ZNF487: variants seen among roughly 807,000 people sequenced by gnomAD.
ZNF487 encodes the protein zinc finger protein 487.
A neutral mutation model predicts 3.0 loss-of-function variants in ZNF487; 4 were observed. The observed-to-expected ratio is 1.35, with a 90% CI of 0.66 to 3.08. The LOEUF (loss-of-function observed/expected upper bound fraction) is 3.08, where lower values mean the gene tolerates loss of function less well. Among genes scored for constraint, ZNF487 ranks in the 30% most tolerant of loss-of-function variants. ZNF487 has a pLI of 0.01. For missense variants in ZNF487, 146 were observed against 98.7 expected, an observed-to-expected ratio of 1.48 and a Z score of -2.03; for synonymous variants, 55 against 34.6, an observed-to-expected ratio of 1.59 and a Z score of -2.06.
At chr10:43,500,482 C>A in the ZNF487 span, among the ~76,000 whole-genome samples, 1 of 152,108 alleles carries the variant, frequency 6.6e-6, no homozygotes, top group African/African-American at 2.4e-5. Context: ...AGAATTTAAA[C>A]CATTTGCAAT....
At chr10:43,461,342 G>A (rs1425745659) in intron 1 of ZNF487, among the ~76,000 whole-genome samples, 1 of 148,876 alleles carries the variant, frequency 6.7e-6, no homozygotes, top group Non-Finnish European at 1.5e-5. Flanking sequence ...TTTGAGACAA[G>A]GTCTTGCTCT....
At chr10:43,437,598 G>A (rs527255209) in intron 1 of ZNF487, among the ~76,000 whole-genome samples, 2 of 152,264 alleles carry the variant, frequency 1.3e-5, no homozygotes, top group East Asian at 3.9e-4. Context: ...TGATTGTTGA[G>A]TTGTGGTGAG....
At chr10:43,467,765 C>T (rs554662622) in intron 1 of ZNF487, among the ~76,000 whole-genome samples, 13 of 149,798 alleles carry the variant, frequency 8.7e-5, no homozygotes, top group East Asian at 6.0e-4. Context: ...TGCAGTGAGC[C>T]GAGATTGTGC....
chr10:43,470,518 G>A (rs945136044), intron 1 of ZNF487, among the ~76,000 whole-genome samples: 1 of 152,030 alleles, frequency 6.6e-6, no homozygotes, highest in Non-Finnish European at 1.5e-5. Context: ...CAAGTACCTG[G>A]GATTACAGGC....
At chr10:43,499,768 GAA>G in the ZNF487 span, among the ~76,000 whole-genome samples, 1 of 149,618 alleles carries the variant, frequency 6.7e-6, no homozygotes, top group African/African-American at 2.4e-5. Flanking sequence ...AAAAGAAAAA[GAA>G]AAAAATTGTC....
At chr10:43,518,473 A>G in the ZNF487 span, among the ~76,000 whole-genome samples, 1 of 152,060 alleles carries the variant, frequency 6.6e-6, no homozygotes, top group African/African-American at 2.4e-5. Flanking sequence ...AAAGGGGGAC[A>G]CCTCTAAAGT....
chr10:43,467,268 A>C (rs1444754687), intron 1 of ZNF487, among the ~76,000 whole-genome samples: 1 of 150,974 alleles, frequency 6.6e-6, no homozygotes, highest in Admixed American at 6.6e-5. Context: ...GCAGTGGCAC[A>C]ATCTTGGCTC....
Position 43,482,165 on chromosome 10 carries a change from T to G in ZNF487, c.*243T>G, listed in dbSNP as rs543640206. The G allele has an allele frequency of 3.7e-6, 2 of 543,786 alleles. No individual in the cohort carries two copies. The highest frequency in any genetic ancestry group is 6.5e-5 in the Admixed American group (2 of 30,784). 33.7% of individuals were successfully genotyped at this position (543,786 alleles called of 1,614,324 possible). ...AGTTACAGAGGAGAGAAAACTTGAC[T>G]GTAGTAGACATTTGGAAGTATTCTG... On this transcript the variant is annotated 3_prime_UTR_variant, in exon 4 of 4. Transcript: ENST00000437590.
chr10:43,457,284 G>A (rs1228553891), intron 1 of ZNF487, among the ~76,000 whole-genome samples: 6 of 151,718 alleles, frequency 4.0e-5, no homozygotes, highest in Admixed American at 6.6e-5. Context: ...AAACCCTAGC[G>A]CGGTGGCTAA....
the ZNF487 span, among the ~76,000 whole-genome samples, chr10:43,498,162 C>T: frequency 3.5e-5 from 3 of 86,152 alleles, no homozygotes; most frequent in Non-Finnish European, 4.1e-5. Flanking sequence ...GAGTCTCACT[C>T]TGTTGCCCAG....
intron 1 of ZNF487, among the ~76,000 whole-genome samples, chr10:43,472,682 T>C (rs187430440): frequency 3.9e-5 from 6 of 152,292 alleles, no homozygotes; most frequent in Non-Finnish European, 1.5e-5. Context: ...CTTCACTTCC[T>C]TCTCAGCCTC....
chr10:43,438,764 A>C (rs1839473268), intron 1 of ZNF487, among the ~76,000 whole-genome samples: 1 of 152,180 alleles, frequency 6.6e-6, no homozygotes, highest in Non-Finnish European at 1.5e-5. Flanking sequence ...TGTCATATAC[A>C]ATAGAATATC....
intron 1 of ZNF487, among the ~76,000 whole-genome samples, chr10:43,447,543 G>C (rs578112123): frequency 1.7e-4 from 26 of 152,128 alleles, no homozygotes; most frequent in Admixed American, 5.9e-4. Flanking sequence ...CGCACAGCCT[G>C]AATTATGACA....
chr10:43,516,640 G>T, the ZNF487 span, among the ~76,000 whole-genome samples: 1 of 152,148 alleles, frequency 6.6e-6, no homozygotes, highest in Non-Finnish European at 1.5e-5. Context: ...CATCCAGCAC[G>T]GGAGAAAGAT....
intron 1 of ZNF487, among the ~76,000 whole-genome samples, chr10:43,465,923 T>A (rs10400094): frequency 8.6e-5 from 13 of 151,952 alleles, no homozygotes; most frequent in African/African-American, 3.2e-4. Context: ...AACGAGACTC[T>A]GTCTGCAATC....
rs577805666 is a variant in ZNF487, at chr10:43,470,281, C to T, written c.-93-5440C>T. ...AGGCTGGAGTGCAGTGGTGCCATCA[C>T]GGCTCACTTTAGCCTTGAGCTCCCT... is the stretch of plus-strand genomic sequence containing the variant. On this transcript the variant is annotated intron_variant, in intron 1 of 3. Transcript: ENST00000437590. Among the ~76,000 whole-genome samples the T allele has an allele frequency of 9.4e-4, 143 of 151,704 alleles. 1 individual carries two copies. The highest frequency in any genetic ancestry group is 3.2e-3 in the African/African-American group (134 of 41,364).
the ZNF487 span, among the ~76,000 whole-genome samples, chr10:43,507,296 A>T: frequency 3.3e-5 from 5 of 152,074 alleles, no homozygotes; most frequent in Non-Finnish European, 7.4e-5. Context: ...GTGATTGTGC[A>T]CCCACCCCCT....
At chr10:43,484,910 C>T (rs978768787), downstream of ZNF487, among the ~76,000 whole-genome samples, 18 of 152,184 alleles carry the variant, frequency 1.2e-4, no homozygotes, top group East Asian at 2.7e-3. Context: ...TGTGTCTTAG[C>T]GACATAAATT....
chr10:43,437,845 A>ATATT (rs74788286), intron 1 of ZNF487, among the ~76,000 whole-genome samples: 5,487 of 151,646 alleles, frequency 0.036, 116 homozygotes, highest in South Asian at 0.04. Context: ...TTGGTTGGAA[A>ATATT]TATTTATTTA....
Sources: allele counts gnomAD v4.1 joint callset (sites outside exome capture counted in the v4.1 genomes callset), GRCh38; gene constraint gnomAD v4.1.1; transcripts MANE v1.5; gene names NCBI Gene and HGNC (gene_info 2026-07-23, HGNC 2026-07-21).